RFX3: variants seen among roughly 807,000 people sequenced by gnomAD.
The protein encoded by RFX3 is transcription factor RFX3.
In RFX3, 14 loss-of-function variants were observed where a neutral mutation model predicts 98.6. The observed-to-expected ratio is 0.14, with a 90% CI of 0.09 to 0.22. The LOEUF is 0.22. RFX3 is among the 10% of genes least tolerant of loss of function. The pLI, the probability that RFX3 is intolerant of heterozygous loss-of-function variation, is 1.00. For missense variants in RFX3, 639 were observed against 926.9 expected, an observed-to-expected ratio of 0.69 and a Z score of 4.03; for synonymous variants, 383 against 328.4, an observed-to-expected ratio of 1.17 and a Z score of -1.80.
chr9:3,455,806 A>G (rs772576095), intron 1 of RFX3, among the ~76,000 whole-genome samples: 3 of 152,248 alleles, frequency 2.0e-5, no homozygotes, highest in Non-Finnish European at 4.4e-5. Flanking sequence ...CCTGGAAACC[A>G]TAAATGAATA....
At chr9:3,317,631 G>A (rs1427611531) in intron 4 of RFX3, among the ~76,000 whole-genome samples, 1 of 152,144 alleles carries the variant, frequency 6.6e-6, no homozygotes, top group Non-Finnish European at 1.5e-5. Context: ...CTGACAAAGG[G>A]CTAATATCCA....
chr9:3,469,155 C>T (rs1480448729), intron 1 of RFX3: 1 of 454,604 alleles, frequency 2.2e-6, no homozygotes, highest in Admixed American at 2.4e-5. Context: ...ATTTATTTAA[C>T]AAAAAGAGAA....
chr9:3,421,972 G>T (rs909839855), intron 1 of RFX3, among the ~76,000 whole-genome samples: 1 of 150,608 alleles, frequency 6.6e-6, no homozygotes, highest in African/African-American at 2.5e-5. Context: ...TTTTCCTGGG[G>T]ATCATGATAG....
intron 14 of RFX3, 55 bp downstream of exon 14, chr9:3,256,936 A>G (rs1822220501): frequency 6.8e-7 from 1 of 1,473,526 alleles, no homozygotes; most frequent in African/African-American, 1.4e-5. Context: ...AAACACATAC[A>G]CACACATATT....
chr9:3,473,479 A>C (rs1739773978), intron 1 of RFX3, among the ~76,000 whole-genome samples: 1 of 152,252 alleles, frequency 6.6e-6, no homozygotes, highest in South Asian at 2.1e-4. Context: ...TATAAAGATA[A>C]ATGGATCCAA....
At chr9:3,253,572 G>A (rs1401896178) in intron 14 of RFX3, among the ~76,000 whole-genome samples, 2 of 151,738 alleles carry the variant, frequency 1.3e-5, no homozygotes, top group Admixed American at 6.6e-5. Context: ...GCCTCCCAGG[G>A]AACCACAATT....
chr9:3,260,443 C>T (rs980883794), intron 13 of RFX3, among the ~76,000 whole-genome samples: 1 of 151,810 alleles, frequency 6.6e-6, no homozygotes, highest in Non-Finnish European at 1.5e-5. Context: ...AATGCAGATA[C>T]ACAAATATAT....
At chr9:3,310,963 C>T (rs957097999) in intron 4 of RFX3, among the ~76,000 whole-genome samples, 8 of 152,002 alleles carry the variant, frequency 5.3e-5, no homozygotes, top group African/African-American at 2.4e-5. Flanking sequence ...GATCGATAAA[C>T]GTTACTCAAA....
intron 15 of RFX3, among the ~76,000 whole-genome samples, chr9:3,239,458 T>A (rs192360217): frequency 6.6e-6 from 1 of 152,342 alleles, no homozygotes; most frequent in African/African-American, 2.4e-5. Context: ...TAGACAGCTA[T>A]CCTGGCAATG....
intron 11 of RFX3, among the ~76,000 whole-genome samples, chr9:3,268,290 G>C (rs1462465156): frequency 6.6e-6 from 1 of 151,606 alleles, no homozygotes; most frequent in Non-Finnish European, 1.5e-5. Context: ...CTAGTAGCCA[G>C]GAAAATACAA....
At chr9:3,390,467 C>T (rs536644174) in intron 2 of RFX3, among the ~76,000 whole-genome samples, 7 of 152,202 alleles carry the variant, frequency 4.6e-5, no homozygotes, top group African/African-American at 1.7e-4. Flanking sequence ...GAAATCCAGG[C>T]TGAAGTGGTC....
intron 2 of RFX3, among the ~76,000 whole-genome samples, chr9:3,355,934 T>C (rs1835696072): frequency 1.3e-5 from 2 of 151,894 alleles, no homozygotes; most frequent in African/African-American, 4.8e-5. Context: ...ATTAATATAA[T>C]CTATGGTTTA....
intron 6 of RFX3, among the ~76,000 whole-genome samples, chr9:3,290,950 T>C (rs1287452425): frequency 6.6e-6 from 1 of 152,160 alleles, no homozygotes; most frequent in Non-Finnish European, 1.5e-5. Context: ...CCATAAAACC[T>C]AGCTTACTTT....
chr9:3,516,480 C>G (rs996806117), intron 1 of RFX3, among the ~76,000 whole-genome samples: 1 of 152,154 alleles, frequency 6.6e-6, no homozygotes, highest in African/African-American at 2.4e-5. Flanking sequence ...AAAGCAGTAA[C>G]TATTACCGAT....
intron 1 of RFX3, among the ~76,000 whole-genome samples, chr9:3,508,128 G>A (rs1033095224): frequency 1.3e-5 from 2 of 151,898 alleles, no homozygotes; most frequent in Non-Finnish European, 2.9e-5. Context: ...CTTCTTTTTA[G>A]AGGACTCTAT....
At chr9:3,432,486 A>G (rs1303521126) in intron 1 of RFX3, among the ~76,000 whole-genome samples, 3 of 152,156 alleles carry the variant, frequency 2.0e-5, no homozygotes, top group Non-Finnish European at 4.4e-5. Context: ...CAAACCATAA[A>G]TTCCTGTTGG....
At chr9:3,351,065 G>T (rs984588636) in intron 2 of RFX3, among the ~76,000 whole-genome samples, 1 of 151,042 alleles carries the variant, frequency 6.6e-6, no homozygotes, top group Non-Finnish European at 1.5e-5. Flanking sequence ...ACAACACCGA[G>T]AATGAACTCT....
At chr9:3,450,965 A>C (rs1846560742) in intron 1 of RFX3, among the ~76,000 whole-genome samples, 1 of 152,208 alleles carries the variant, frequency 6.6e-6, no homozygotes, top group African/African-American at 2.4e-5. Context: ...CTTGGTTTCC[A>C]ATACTATTTT....
At chr9:3,344,376 C>A (rs1031460140) in intron 3 of RFX3, among the ~76,000 whole-genome samples, 5 of 152,126 alleles carry the variant, frequency 3.3e-5, no homozygotes, top group African/African-American at 1.2e-4. Context: ...CATCCTTAAG[C>A]TGAAAATCTA....
Sources: gnomAD v4.1 joint callset for allele counts (sites outside exome capture counted in the v4.1 genomes callset) on GRCh38, gnomAD v4.1.1 for gene constraint, MANE v1.5 for transcripts, NCBI Gene and HGNC (gene_info 2026-07-23, HGNC 2026-07-21) for gene names.